RAPGEF6: variants seen among roughly 807,000 people sequenced by gnomAD.
RAPGEF6 encodes the protein PDZ domain containing guanine nucleotide exchange factor (GEF) 2.
RAPGEF6 carries 56 observed loss-of-function variants against 171.4 expected under a neutral mutation model. That is an observed-to-expected ratio of 0.33 (90% confidence interval 0.26 to 0.41). RAPGEF6 has a LOEUF of 0.41. Among genes scored for constraint, RAPGEF6 ranks in the 10% least tolerant of loss-of-function variants. The pLI, the probability that RAPGEF6 is intolerant of heterozygous loss-of-function variation, is 1.00. For synonymous variants in RAPGEF6, 692 were observed against 650.1 expected, an observed-to-expected ratio of 1.06 and a Z score of -0.98; for missense variants, 1,674 against 1,921.4, an observed-to-expected ratio of 0.87 and a Z score of 2.41.
At chr5:131,485,678 G>A (rs1755837638) in intron 15 of RAPGEF6, among the ~76,000 whole-genome samples, 1 of 152,136 alleles carries the variant, frequency 6.6e-6, no homozygotes. Flanking sequence ...CGAATTGCCT[G>A]TTGCTATTTG....
chr5:131,581,424 C>T (rs1762952526), intron 4 of RAPGEF6, among the ~76,000 whole-genome samples: 1 of 152,136 alleles, frequency 6.6e-6, no homozygotes, highest in Non-Finnish European at 1.5e-5. Flanking sequence ...GGCCTTGGGT[C>T]TTCCGATTAA....
chr5:131,465,954 A>C (rs1201488151), intron 17 of RAPGEF6, among the ~76,000 whole-genome samples: 1 of 151,896 alleles, frequency 6.6e-6, no homozygotes, highest in Non-Finnish European at 1.5e-5. Context: ...GGAAAACAAA[A>C]CAAAACAAAA....
intron 5 of RAPGEF6, among the ~76,000 whole-genome samples, chr5:131,559,875 AAGG>A (rs1198816629): frequency 6.6e-6 from 1 of 152,012 alleles, no homozygotes; most frequent in African/African-American, 2.4e-5. Flanking sequence ...AAGTTAAAAC[AAGG>A]AGATTACTTT....
chr5:131,505,092 T>C (rs956143768), intron 10 of RAPGEF6, among the ~76,000 whole-genome samples: 1 of 151,458 alleles, frequency 6.6e-6, no homozygotes, highest in African/African-American at 2.4e-5. Context: ...TTCTTTCCTT[T>C]TTTTTTTTTA....
At chr5:131,488,181 A>C (rs906529548) in intron 15 of RAPGEF6, among the ~76,000 whole-genome samples, 1 of 151,964 alleles carries the variant, frequency 6.6e-6, no homozygotes, top group Admixed American at 6.6e-5. Flanking sequence ...CCACTACTCA[A>C]AGGGTTCTGA....
At chr5:131,452,001 G>A (rs1220749380) in intron 21 of RAPGEF6, among the ~76,000 whole-genome samples, 1 of 152,264 alleles carries the variant, frequency 6.6e-6, no homozygotes, top group Admixed American at 6.5e-5. Context: ...GGGAGGCCGA[G>A]GCGGGCGGAT....
chr5:131,569,803 G>A (rs1398450402), intron 4 of RAPGEF6, among the ~76,000 whole-genome samples: 5 of 152,120 alleles, frequency 3.3e-5, no homozygotes, highest in Non-Finnish European at 5.9e-5. Context: ...CACTTTGGGA[G>A]GCTGAGGTGG....
intron 15 of RAPGEF6, among the ~76,000 whole-genome samples, chr5:131,485,880 T>C (rs1311982124): frequency 1.3e-5 from 2 of 152,216 alleles, no homozygotes; most frequent in African/African-American, 4.8e-5. Context: ...GCAACTGTGC[T>C]TCTGTTTCTG....
chr5:131,601,446 C>A (rs1422969148), intron 3 of RAPGEF6, among the ~76,000 whole-genome samples: 2 of 150,142 alleles, frequency 1.3e-5, no homozygotes, highest in African/African-American at 2.4e-5. Context: ...CTAGACATAC[C>A]CAACAAAGGA....
At chr5:131,554,524 G>C (rs1445704895) in intron 5 of RAPGEF6, among the ~76,000 whole-genome samples, 1 of 152,050 alleles carries the variant, frequency 6.6e-6, no homozygotes, top group Admixed American at 6.6e-5. Context: ...TTTTTAAATA[G>C]GTTTTCTTTT....
chr5:131,555,757 T>G (rs1023500890), intron 5 of RAPGEF6, among the ~76,000 whole-genome samples: 6 of 56,742 alleles, frequency 1.1e-4, no homozygotes, highest in African/African-American at 5.0e-4. Flanking sequence ...TGTGTTATGT[T>G]AAATTAATTA....
chr5:131,569,737 C>T (rs1027721336), intron 4 of RAPGEF6, among the ~76,000 whole-genome samples: 1 of 151,976 alleles, frequency 6.6e-6, no homozygotes, highest in Non-Finnish European at 1.5e-5. Flanking sequence ...CTTCAAAAGA[C>T]ACTATTAAGA....
chr5:131,480,234 T>C (rs1454493587), intron 15 of RAPGEF6, among the ~76,000 whole-genome samples: 3 of 152,178 alleles, frequency 2.0e-5, no homozygotes, highest in Non-Finnish European at 4.4e-5. Flanking sequence ...TACAGTATTC[T>C]TGGGATGCAA....
chr5:131,620,740 A>G (rs1335161852), intron 1 of RAPGEF6, among the ~76,000 whole-genome samples: 4 of 152,088 alleles, frequency 2.6e-5, no homozygotes, highest in Non-Finnish European at 1.5e-5. Flanking sequence ...AAAGGCACGC[A>G]TCACCATGCC....
chr5:131,458,923 G>A lies in RAPGEF6; in HGVS notation c.2864+2782C>T, dbSNP rs1228612647. 1.1e-4 allele frequency among the ~76,000 whole-genome samples: 17 copies of A among 152,184 alleles called. 1 individual carries two copies. The highest frequency in any genetic ancestry group is 1.1e-3 in the Admixed American group (17 of 15,290). On this transcript the variant is annotated intron_variant, in intron 19 of 27. Transcript: ENST00000509018. ...CCTGCATTGGCCTCCAAAGTGCCAG[G>A]ATCACAGGCGTGAGCCACCGCGCCC...
chr5:131,447,958 T>C (rs1752828905), intron 21 of RAPGEF6, among the ~76,000 whole-genome samples: 1 of 152,214 alleles, frequency 6.6e-6, no homozygotes, highest in South Asian at 2.1e-4. Flanking sequence ...TCCAAAGCCA[T>C]TAGTGAATTA....
intron 4 of RAPGEF6, among the ~76,000 whole-genome samples, chr5:131,566,200 C>A (rs1761923297): frequency 6.6e-6 from 1 of 151,030 alleles, no homozygotes; most frequent in South Asian, 2.1e-4. Context: ...AAAATTAAAA[C>A]TAAAATATAA....
At chr5:131,606,055 A>AAAG (rs1491222403) in intron 1 of RAPGEF6, among the ~76,000 whole-genome samples, 34 of 126,582 alleles carry the variant, frequency 2.7e-4, no homozygotes, top group African/African-American at 1.4e-3. Context: ...AAAAAAAAAG[A>AAAG]AAAAGAAAAG....
At chr5:131,465,859 G>T (rs928127078) in intron 17 of RAPGEF6, among the ~76,000 whole-genome samples, 1 of 152,040 alleles carries the variant, frequency 6.6e-6, no homozygotes, top group Admixed American at 6.6e-5. Flanking sequence ...AGTGGGGGCA[G>T]GATGGAAGAT....
Sources: allele counts gnomAD v4.1 joint callset (sites outside exome capture counted in the v4.1 genomes callset), GRCh38; gene constraint gnomAD v4.1.1; transcripts MANE v1.5; gene names NCBI Gene and HGNC (gene_info 2026-07-23, HGNC 2026-07-21).